Variants in NRXN3 observed in about 807,000 individuals in gnomAD.
NRXN3 encodes the protein neurexin 3.
In NRXN3, 32 loss-of-function variants were observed where a neutral mutation model predicts 137.6. The ratio of observed to expected loss-of-function variants is 0.23; its 90% CI spans 0.18 to 0.31. The LOEUF (loss-of-function observed/expected upper bound fraction) is 0.31, where lower values mean the gene tolerates loss of function less well. Among genes scored for constraint, NRXN3 ranks in the 10% least tolerant of loss-of-function variants. The pLI is 1.00. For synonymous variants in NRXN3, 798 were observed against 784.5 expected, an observed-to-expected ratio of 1.02 and a Z score of -0.29; for missense variants, 1,574 against 2,062.5, an observed-to-expected ratio of 0.76 and a Z score of 4.59.
chr14:78,946,141 A>T (rs1281421353), intron 10 of NRXN3, among the ~76,000 whole-genome samples: 1 of 152,236 alleles, frequency 6.6e-6, no homozygotes, highest in African/African-American at 2.4e-5. Context: ...TAGGTAAAGC[A>T]CTTAGAATAG....
At chr14:78,664,002 C>T (rs1478520623) in intron 6 of NRXN3, among the ~76,000 whole-genome samples, 2 of 152,184 alleles carry the variant, frequency 1.3e-5, no homozygotes, top group African/African-American at 4.8e-5. Context: ...GTGTTCTGTT[C>T]CTCATGTGGA....
At chr14:79,444,467 T>C (rs1460177233) in intron 15 of NRXN3, among the ~76,000 whole-genome samples, 4 of 152,218 alleles carry the variant, frequency 2.6e-5, no homozygotes, top group Admixed American at 1.3e-4. Flanking sequence ...TAATTAATTA[T>C]CTTAATAACA....
chr14:78,541,647 T>G (rs2096590536), intron 4 of NRXN3, among the ~76,000 whole-genome samples: 2 of 152,162 alleles, frequency 1.3e-5, no homozygotes, highest in Admixed American at 6.5e-5. Flanking sequence ...CCATCCAGCT[T>G]TGTTCCGTTG....
intron 16 of NRXN3, among the ~76,000 whole-genome samples, chr14:79,631,293 G>T (rs182610): frequency 0.26 from 40,130 of 152,248 alleles, 5,978 homozygotes; most frequent in African/African-American, 0.4. Flanking sequence ...CTTTTGAGAG[G>T]TGACAACGTG....
chr14:78,207,962 AT>A (rs2153407067), intron 1 of NRXN3, among the ~76,000 whole-genome samples: 1 of 152,288 alleles, frequency 6.6e-6, no homozygotes, highest in South Asian at 2.1e-4. Flanking sequence ...GTAAAATCTC[AT>A]TAATGTAGCC....
At chr14:78,568,961 GTTT>G (rs34485878) in intron 4 of NRXN3, among the ~76,000 whole-genome samples, 11 of 103,724 alleles carry the variant, frequency 1.1e-4, no homozygotes, top group African/African-American at 3.3e-4. Context: ...GACTTTGCAG[GTTT>G]TTTTTTTTTT....
intron 15 of NRXN3, among the ~76,000 whole-genome samples, chr14:79,355,583 G>A (rs1014506141): frequency 6.6e-6 from 1 of 152,138 alleles, no homozygotes; most frequent in African/African-American, 2.4e-5. Context: ...GGTCACTATA[G>A]CATTCAATAA....
intron 15 of NRXN3, among the ~76,000 whole-genome samples, chr14:79,455,415 G>T (rs1053783999): frequency 4.6e-5 from 7 of 152,162 alleles, no homozygotes; most frequent in Non-Finnish European, 1.0e-4. Context: ...CTTGCCTGTA[G>T]TATGGTATAA....
At chr14:79,727,815 T>C (rs116763029) in intron 19 of NRXN3, among the ~76,000 whole-genome samples, 2,661 of 152,268 alleles carry the variant, frequency 0.017, 77 homozygotes, top group African/African-American at 0.061. Context: ...AGAGAAATCC[T>C]GGACTTTTTT....
At chr14:78,905,366 T>C (rs530296342) in intron 10 of NRXN3, among the ~76,000 whole-genome samples, 19 of 152,264 alleles carry the variant, frequency 1.2e-4, no homozygotes, top group Non-Finnish European at 2.5e-4. Flanking sequence ...GAATATTTTA[T>C]AGGAACATAC....
At chr14:78,513,075 G>T (rs947661834) in intron 4 of NRXN3, among the ~76,000 whole-genome samples, 2 of 152,114 alleles carry the variant, frequency 1.3e-5, no homozygotes, top group Non-Finnish European at 2.9e-5. Flanking sequence ...TCTCTGGTCT[G>T]GGAGGAGAAA....
intron 4 of NRXN3, among the ~76,000 whole-genome samples, chr14:78,566,889 C>T (rs564326789): frequency 6.6e-6 from 1 of 152,196 alleles, no homozygotes; most frequent in South Asian, 2.1e-4. Context: ...AAAACCCTTG[C>T]ACCACAGTGT....
chr14:79,812,926 G>T (rs982110145), intron 20 of NRXN3, among the ~76,000 whole-genome samples: 1 of 152,038 alleles, frequency 6.6e-6, no homozygotes, highest in African/African-American at 2.4e-5. Context: ...TAAAAGAGAA[G>T]TTTTTATGGG....
intron 8 of NRXN3, among the ~76,000 whole-genome samples, chr14:78,788,150 C>T (rs191963807): frequency 3.4e-4 from 52 of 152,262 alleles, no homozygotes; most frequent in Admixed American, 2.8e-3. Context: ...AACACCAAGG[C>T]TCTTTCTACT....
intron 16 of NRXN3, among the ~76,000 whole-genome samples, chr14:79,496,547 A>C (rs1179588806): frequency 6.6e-6 from 1 of 152,190 alleles, no homozygotes; most frequent in Non-Finnish European, 1.5e-5. Context: ...TCATTGTAAG[A>C]ATATGGAAAA....
At chr14:78,534,280 G>A (rs1411205229) in intron 4 of NRXN3, among the ~76,000 whole-genome samples, 1 of 152,176 alleles carries the variant, frequency 6.6e-6, no homozygotes, top group Non-Finnish European at 1.5e-5. Flanking sequence ...TATCAAAACT[G>A]AGATAAATAA....
At chr14:79,382,801 G>A (rs534142778) in intron 15 of NRXN3, among the ~76,000 whole-genome samples, 16 of 152,174 alleles carry the variant, frequency 1.1e-4, no homozygotes, top group Middle Eastern at 6.8e-3. Flanking sequence ...AATAAAACAA[G>A]CATCAATATT....
intron 16 of NRXN3, among the ~76,000 whole-genome samples, chr14:79,660,641 C>T (rs2098528833): frequency 1.3e-5 from 2 of 152,160 alleles, no homozygotes; most frequent in African/African-American, 4.8e-5. Context: ...CGTACTTGGC[C>T]ACTGCTGTCA....
chr14:79,443,534 G>A (rs1004629734), intron 15 of NRXN3, among the ~76,000 whole-genome samples: 2 of 152,124 alleles, frequency 1.3e-5, no homozygotes, highest in African/African-American at 4.8e-5. Context: ...AAATGAGAGA[G>A]AATAGAGAAA....
Sources: allele counts gnomAD v4.1 joint callset (sites outside exome capture counted in the v4.1 genomes callset), GRCh38; gene constraint gnomAD v4.1.1; transcripts MANE v1.5; gene names NCBI Gene and HGNC (gene_info 2026-07-23, HGNC 2026-07-21).